KIAA1958: variants seen among roughly 807,000 people sequenced by gnomAD.
KIAA1958 encodes uncharacterized protein KIAA1958.
KIAA1958 carries 14 observed loss-of-function variants against 47.2 expected under a neutral mutation model. The observed-to-expected ratio is 0.30, with a 90% CI of 0.20 to 0.46. The LOEUF (loss-of-function observed/expected upper bound fraction) is 0.46, where lower values mean the gene tolerates loss of function less well. Among genes scored for constraint, KIAA1958 ranks in the 20% least tolerant of loss-of-function variants. The probability of loss-of-function intolerance (pLI) is 1.00; values close to 1 mark genes in which losing one functional copy is unlikely to be tolerated. For synonymous variants in KIAA1958, 354 were observed against 353.3 expected (o/e 1.00, Z -0.02); for missense variants, 803 against 909.2 (o/e 0.88, Z 1.50).
At chr9:112,491,514 A>G (rs891491875) in intron 1 of KIAA1958, among the ~76,000 whole-genome samples, 1 of 151,540 alleles carries the variant, frequency 6.6e-6, no homozygotes, top group Admixed American at 6.6e-5. Context: ...ACAAAAAGTA[A>G]TATGTATGGA....
At chr9:112,528,524 A>G (rs1467248243) in intron 1 of KIAA1958, among the ~76,000 whole-genome samples, 2 of 151,904 alleles carry the variant, frequency 1.3e-5, no homozygotes, top group African/African-American at 2.4e-5. Context: ...TTTCATATGC[A>G]TGTATTTATT....
intron 3 of KIAA1958, among the ~76,000 whole-genome samples, chr9:112,655,401 C>A (rs576592507): frequency 6.6e-6 from 1 of 152,144 alleles, no homozygotes; most frequent in Non-Finnish European, 1.5e-5. Context: ...CCAACAAAAA[C>A]TTATGGCACT....
In KIAA1958 at chr9:112,668,626, T is replaced by C. The variant is rs1489927236; in HGVS notation, c.*8557T>C. 1 of 152,216 alleles carries C rather than the reference T, an allele frequency of 6.6e-6. No homozygotes were observed. The highest frequency in any genetic ancestry group is 1.5e-5 in the Non-Finnish European group (1 of 68,038). The allele number at this position is 152,216 out of a possible 1,614,324, so 9.4% of individuals were successfully genotyped here. Reference sequence around the variant, plus strand: ...AGTTTCTTCCTGGCAATAGAATGGTTTTATCTGTGCCCCAAGCTTTTGCCA... The same window carrying C: ...AGTTTCTTCCTGGCAATAGAATGGTCTTATCTGTGCCCCAAGCTTTTGCCA... On this transcript the variant is annotated 3_prime_UTR_variant, in exon 4 of 4. Transcript: ENST00000337530.
chr9:112,563,734 A>C (rs1303979542), intron 1 of KIAA1958, among the ~76,000 whole-genome samples: 2 of 151,886 alleles, frequency 1.3e-5, no homozygotes, highest in Non-Finnish European at 1.5e-5. Context: ...ACCCCCGACT[A>C]TATTATTTCA....
intron 2 of KIAA1958, among the ~76,000 whole-genome samples, chr9:112,578,933 G>C (rs1044374704): frequency 1.3e-5 from 2 of 151,832 alleles, no homozygotes; most frequent in Non-Finnish European, 2.9e-5. Context: ...TTATGATTTT[G>C]TGTAAGGATC....
intron 1 of KIAA1958, among the ~76,000 whole-genome samples, chr9:112,534,795 C>T (rs62568561): frequency 0.11 from 16,723 of 152,156 alleles, 1,386 homozygotes; most frequent in East Asian, 0.19. Flanking sequence ...CTGCCCGCCT[C>T]GGCCTCCCAA....
intron 2 of KIAA1958, among the ~76,000 whole-genome samples, chr9:112,614,158 A>G (rs1588040335): frequency 1.3e-5 from 2 of 152,328 alleles, no homozygotes; most frequent in East Asian, 3.9e-4. Flanking sequence ...AGTCAGACAC[A>G]AAAGAGTTTA....
chr9:112,630,966 A>G (rs1053000090), intron 2 of KIAA1958, among the ~76,000 whole-genome samples: 3 of 152,252 alleles, frequency 2.0e-5, no homozygotes, highest in African/African-American at 7.2e-5. Context: ...TTTTACACTT[A>G]AAATGTGACA....
chr9:112,511,971 C>T (rs894948133), intron 1 of KIAA1958, among the ~76,000 whole-genome samples: 5 of 152,096 alleles, frequency 3.3e-5, no homozygotes, highest in African/African-American at 1.2e-4. Context: ...TAATCTCACT[C>T]AGGAAGAAAT....
At chr9:112,619,050 T>A in intron 2 of KIAA1958, 1 of 942,074 alleles carries the variant, frequency 1.1e-6, no homozygotes, top group Non-Finnish European at 1.3e-6. Flanking sequence ...TAATATATTT[T>A]TCTTTTTACA....
At chr9:112,589,582 C>CA (rs58996189) in intron 2 of KIAA1958, among the ~76,000 whole-genome samples, 1 of 151,966 alleles carries the variant, frequency 6.6e-6, no homozygotes, top group African/African-American at 2.4e-5. Flanking sequence ...AACTCTGTCT[C>CA]AAAAAAAGAG....
At chr9:112,637,317 T>A (rs1279591022) in intron 2 of KIAA1958, among the ~76,000 whole-genome samples, 1 of 152,166 alleles carries the variant, frequency 6.6e-6, no homozygotes, top group African/African-American at 2.4e-5. Context: ...TTTTTAGCGC[T>A]TGACTGCTAA....
chr9:112,550,419 T>G (rs1298453036), intron 1 of KIAA1958, among the ~76,000 whole-genome samples: 3 of 152,170 alleles, frequency 2.0e-5, no homozygotes, highest in Admixed American at 2.0e-4. Context: ...TGAACCCACT[T>G]GAAGTAGGGA....
At chr9:112,608,662 A>G (rs930735633) in intron 2 of KIAA1958, among the ~76,000 whole-genome samples, 1 of 152,096 alleles carries the variant, frequency 6.6e-6, no homozygotes, top group Non-Finnish European at 1.5e-5. Flanking sequence ...ATGGTGTCAC[A>G]TGCCTGTGGT....
chr9:112,535,245 C>T (rs980429150), intron 1 of KIAA1958, among the ~76,000 whole-genome samples: 1 of 152,114 alleles, frequency 6.6e-6, no homozygotes, highest in Admixed American at 6.5e-5. Context: ...TTTCAGTCAT[C>T]CCACTGCACA....
intron 1 of KIAA1958, among the ~76,000 whole-genome samples, chr9:112,536,457 C>T (rs1442138593): frequency 6.6e-6 from 1 of 151,972 alleles, no homozygotes; most frequent in African/African-American, 2.4e-5. Flanking sequence ...TTTGCTGAAC[C>T]CTGCTCTATA....
intron 1 of KIAA1958, among the ~76,000 whole-genome samples, chr9:112,500,777 A>G (rs1211331674): frequency 6.6e-6 from 1 of 152,158 alleles, no homozygotes; most frequent in Non-Finnish European, 1.5e-5. Flanking sequence ...GAGAAAAACG[A>G]CGCACTGATA....
Position 112,608,608 on chromosome 9 carries a change from G to A in KIAA1958, c.1171+33357G>A, listed in dbSNP as rs143702289. On this transcript the variant is annotated intron_variant, in intron 2 of 3. Transcript: ENST00000337530. The stretch of plus-strand genomic sequence containing the variant: ...GTTTGAGACCAGCCTGGGCAACATG[G>A]CAAAACCGTTATCTATACCAAAAAT... Among the ~76,000 whole-genome samples, 5 of 152,270 alleles carry A rather than the reference G, an allele frequency of 3.3e-5. No individual in the cohort carries two copies. The East Asian group carries it at 7.7e-4, about 23-fold the overall frequency.
At chr9:112,498,664 T>A (rs1268753195) in intron 1 of KIAA1958, among the ~76,000 whole-genome samples, 1 of 152,214 alleles carries the variant, frequency 6.6e-6, no homozygotes, top group Non-Finnish European at 1.5e-5. Flanking sequence ...TACGTGTTTT[T>A]GGGATACAGA....
Sources: gnomAD v4.1 joint callset for allele counts (sites outside exome capture counted in the v4.1 genomes callset) on GRCh38, gnomAD v4.1.1 for gene constraint, MANE v1.5 for transcripts, NCBI Gene and HGNC (gene_info 2026-07-23, HGNC 2026-07-21) for gene names.